The following RCCD1 variants were observed in gnomAD, a reference collection of about 807,000 sequenced individuals.
RCCD1 encodes the protein RCC1 domain containing 1.
RCCD1 carries 40 observed loss-of-function variants against 37.6 expected under a neutral mutation model. That is an observed-to-expected ratio of 1.06 (90% CI 0.83 to 1.39). The LOEUF is 1.39. Among genes scored for constraint, RCCD1 ranks in the 40% most tolerant of loss-of-function variants. RCCD1 has a pLI of 0.00. For synonymous variants in RCCD1, 263 were observed against 230.0 expected (o/e 1.14, Z -1.30); for missense variants, 577 against 517.3 (o/e 1.12, Z -1.12).
Position 90,954,939 on chromosome 15 carries a change from C to G in RCCD1, c.-133C>G, listed in dbSNP as rs754695300. 7.9e-5 allele frequency: 12 copies of G among 152,474 alleles called. No homozygotes were observed. Among genetic ancestry groups the G allele is most frequent in the Non-Finnish European group, 1.2e-4 (8 of 68,228 alleles). 9.4% of individuals were successfully genotyped at this position (152,474 alleles called of 1,614,324 possible). ...GTCGGGTTTTGAGCTGCCGCGGTCC[C>G]GGGACTGAGGTGGGTGGCGGGGTCC... On this transcript the variant is annotated 5_prime_UTR_variant, in exon 1 of 8. Coordinates refer to ENST00000394258, the MANE Select transcript of RCCD1 (RefSeq NM_001017919.2).
In RCCD1 at chr15:90,960,382, A is replaced by G; in HGVS notation, c.833A>G (p.Asp278Gly). Residue 278 changes from aspartate to glycine, a missense_variant, in exon 6 of 8, where the codon GAT becomes GGT. By Grantham distance (94) the Asp-to-Gly change is moderately conservative. Coordinates refer to ENST00000394258, the MANE Select transcript of RCCD1 (RefSeq NM_001017919.2). ...SQVKRTGGAEDGAPAPFIAVQ... is the reference protein window; with the variant it reads ...SQVKRTGGAEGGAPAPFIAVQ... ...GTGAAGAGAACGGGTGGGGCTGAGG[A>G]TGGAGCCCCTGCCCCCTTCATAGCT... The G allele has an allele frequency of 1.2e-6, 2 of 1,613,610 alleles. No homozygotes were observed. The highest frequency in any genetic ancestry group is 1.7e-6 in the Non-Finnish European group (2 of 1,179,768).
chr15:90,960,026 G>C (rs369168110), intron 5 of RCCD1, 28 bp downstream of exon 5: 2 of 1,543,112 alleles, frequency 1.3e-6, no homozygotes, highest in Non-Finnish European at 1.8e-6. Flanking sequence ...TCCCACAGCC[G>C]TCTCCCCAGG....
chr15:90,956,170 GCT>G (rs1262497442), intron 1 of RCCD1, among the ~76,000 whole-genome samples: 1 of 152,222 alleles, frequency 6.6e-6, no homozygotes, highest in African/African-American at 2.4e-5. Context: ...CCTCCCAAAC[GCT>G]CTTCTGCGTT....
At position 90,961,645 on chromosome 15, in the gene RCCD1, ACAC is replaced by A. The variant is rs756717559; in HGVS notation, c.1013_1015del (p.Thr338del). 1.7e-5 allele frequency: 28 copies of A among 1,613,992 alleles called. No individual in the cohort carries two copies. In the Admixed American group the frequency reaches 2.8e-4, roughly 16 times the overall value. The stretch of plus-strand genomic sequence containing the variant: ...AAATATGGACAGCTGGGCCACGAGG[ACAC>A]CACCAGCTTGGATCGGCCTCGCCGT... On this transcript the variant is annotated inframe_deletion, in exon 8 of 8. Coordinates refer to ENST00000394258, the MANE Select transcript of RCCD1 (RefSeq NM_001017919.2).
At position 90,961,898 on chromosome 15, in the gene RCCD1, C is replaced by G. The variant is rs1034832387; in HGVS notation, c.*129C>G. The G allele has an allele frequency of 1.2e-6, 1 of 851,948 alleles. No homozygotes were observed. Among genetic ancestry groups the G allele is most frequent in the South Asian group, 1.9e-5 (1 of 53,714 alleles). 52.8% of individuals were successfully genotyped at this position (851,948 alleles called of 1,614,324 possible). On this transcript the variant is annotated 3_prime_UTR_variant, in exon 8 of 8. Coordinates refer to ENST00000394258, the MANE Select transcript of RCCD1 (RefSeq NM_001017919.2). ...CAGTCCTGCCCTTCACCCTCAAGCA[C>G]GGTCCTAAACTTGTCTGCACTTTAG...
chr15:90,961,935 G>C lies in RCCD1; in HGVS notation c.*166G>C, dbSNP rs74039174. 0.011 allele frequency: 5,769 copies of C among 537,798 alleles called. 280 individuals are homozygous for C. Among genetic ancestry groups the C allele is most frequent in the African/African-American group, 0.097 (5,078 of 52,550 alleles). 33.3% of individuals were successfully genotyped at this position (537,798 alleles called of 1,614,324 possible). A position where few individuals can be genotyped will look rare whatever the true frequency, so the allele number is the denominator to read the frequency against. Reference sequence around the variant, plus strand: ...TGTCTGCACTTTAGAAACACCTGGAGAGCATTGAAAACTCTGCTGCCTAAG... The same window carrying C: ...TGTCTGCACTTTAGAAACACCTGGACAGCATTGAAAACTCTGCTGCCTAAG... On this transcript the variant is annotated 3_prime_UTR_variant, in exon 8 of 8. Transcript: ENST00000394258.
intron 4 of RCCD1, among the ~76,000 whole-genome samples, chr15:90,959,451 T>G (rs965848076): frequency 5.3e-5 from 8 of 152,162 alleles, no homozygotes; most frequent in Non-Finnish European, 8.8e-5. Context: ...GCCCAGTGGT[T>G]GTTTTATTTA....
Position 90,956,872 on chromosome 15 carries a change from G to A in RCCD1, c.138G>A (p.Ala46=), listed in dbSNP as rs763704333. The A allele has an allele frequency of 3.7e-5, 48 of 1,289,864 alleles. No individual in the cohort carries two copies. The highest frequency in any genetic ancestry group is 4.7e-5 in the Non-Finnish European group (48 of 1,018,692). 79.9% of individuals were successfully genotyped at this position (1,289,864 alleles called of 1,614,324 possible). The change falls in exon 2 of 8, where the codon GCG becomes GCA. Residue 46 remains alanine (A), a synonymous_variant. Transcript: ENST00000394258. ...GCGTCGACATCTGCCGCGTGAGCGCGAGCTGGAGCTACACCGCTTTCGTGA... is the reference window on the plus strand; with the variant it reads ...GCGTCGACATCTGCCGCGTGAGCGCAAGCTGGAGCTACACCGCTTTCGTGA... The part of the protein sequence containing the change: ...RAGVDICRVS[A]SWSYTAFVTR...
Position 90,961,830 on chromosome 15 carries a change from A to G in RCCD1, c.*61A>G, listed in dbSNP as rs2037322088. The G allele has an allele frequency of 6.5e-7, 1 of 1,537,832 alleles. No homozygotes were observed. Among genetic ancestry groups the G allele is most frequent in the African/African-American group, 1.4e-5 (1 of 72,820 alleles). ...ACCCCCATTCAGGTCAAGGAAAACC[A>G]TTGCCTGCACCCCAAGGGCCCCATA... is the stretch of plus-strand genomic sequence containing the variant. On this transcript the variant is annotated 3_prime_UTR_variant, in exon 8 of 8. Coordinates refer to ENST00000394258, the MANE Select transcript of RCCD1 (RefSeq NM_001017919.2).
chr15:90,956,827 C>A lies in RCCD1; in HGVS notation c.93C>A (p.Ser31Arg), dbSNP rs758991986. 16 of 1,303,484 alleles carry A rather than the reference C, an allele frequency of 1.2e-5. No individual in the cohort carries two copies. The highest frequency in any genetic ancestry group is 1.5e-5 in the Non-Finnish European group (15 of 1,026,316). The allele number at this position is 1,303,484 out of a possible 1,614,324, so 80.7% of individuals were successfully genotyped here. Residue 31 changes from serine to arginine, a missense_variant, in exon 2 of 8, where the codon AGC (serine) becomes AGA (arginine). Coordinates refer to ENST00000394258, the MANE Select transcript of RCCD1 (RefSeq NM_001017919.2). ...LGSGRGRQVH[S>R]PSPLRAGVDI... ...CCGGACGCGGGCGCCAGGTGCACAG[C>A]CCCAGTCCGCTGCGGGCGGGCGTCG...
In RCCD1 at chr15:90,959,961, G is replaced by T; in HGVS notation, c.741G>T (p.Arg247Ser). Residue 247 changes from arginine (R) to serine (S), a missense_variant, in exon 5 of 8, where the codon AGG (arginine) becomes AGT (serine). Transcript: ENST00000394258. Reference protein sequence around the residue: ...NESGQLALPTRNLAEDGETVA... With the variant: ...NESGQLALPTSNLAEDGETVA... Reference sequence around the variant, plus strand: ...CAGGGCAGCTGGCCCTGCCCACCAGGAACCTGGCAGAGGATGGAGAGACTG... The same window carrying T: ...CAGGGCAGCTGGCCCTGCCCACCAGTAACCTGGCAGAGGATGGAGAGACTG... 1 of 1,613,712 alleles carries T rather than the reference G, an allele frequency of 6.2e-7. No homozygotes were observed. The highest frequency in any genetic ancestry group is 1.3e-5 in the African/African-American group (1 of 75,038).
chr15:90,956,171 C>T (rs185791534), intron 1 of RCCD1, among the ~76,000 whole-genome samples: 2 of 152,330 alleles, frequency 1.3e-5, no homozygotes, highest in South Asian at 2.1e-4. Context: ...CTCCCAAACG[C>T]TCTTCTGCGT....
chr15:90,960,620 A>T (rs1420687501), intron 6 of RCCD1, 122 bp downstream of exon 6: 13 of 900,132 alleles, frequency 1.4e-5, no homozygotes, highest in Non-Finnish European at 2.0e-5. Flanking sequence ...TACCTTGCTC[A>T]GTGGATAAGC....
At position 90,961,509 on chromosome 15, in the gene RCCD1, A is replaced by T; in HGVS notation, c.980-109A>T. The T allele has an allele frequency of 2.4e-6, 3 of 1,263,162 alleles. No individual in the cohort carries two copies. The South Asian group carries it at 4.5e-5, about 19-fold the overall frequency. 78.2% of individuals were successfully genotyped at this position (1,263,162 alleles called of 1,614,324 possible). A position where few individuals can be genotyped will look rare whatever the true frequency, so the allele number is the denominator to read the frequency against. On this transcript the variant is annotated intron_variant, in intron 7 of 7. Coordinates refer to ENST00000394258, the MANE Select transcript of RCCD1 (RefSeq NM_001017919.2). ...TCTGGGTCTCTTGGATTCACAGAGC[A>T]GTGGGGCATAATCCCAGCACTTCAT...
At chr15:90,955,721 C>T (rs1213003547) in intron 1 of RCCD1, 1 of 148,720 alleles carries the variant, frequency 6.7e-6, no homozygotes, top group Non-Finnish European at 1.5e-5. Flanking sequence ...AAAAAACAAA[C>T]CCGCTCCAGC....
At position 90,960,822 on chromosome 15, in the gene RCCD1, C is replaced by G. The variant is rs905693388; in HGVS notation, c.950-203C>G. On this transcript the variant is annotated intron_variant, in intron 6 of 7. Coordinates refer to ENST00000394258, the MANE Select transcript of RCCD1 (RefSeq NM_001017919.2). ...CTGCGGCGCTCGGTAGCATGGCACA[C>G]AGGAAGATCCGCCACTTTTTCCCTC... 3 of 671,544 alleles carry G rather than the reference C, an allele frequency of 4.5e-6. No individual in the cohort carries two copies. The East Asian group carries it at 8.1e-5, about 18-fold the overall frequency. 41.6% of individuals were successfully genotyped at this position (671,544 alleles called of 1,614,324 possible). A position where few individuals can be genotyped will look rare whatever the true frequency, so the allele number is the denominator to read the frequency against.
intron 7 of RCCD1, 40 bp from the exon 8 acceptor site, chr15:90,961,578 C>T: frequency 6.3e-7 from 1 of 1,591,114 alleles, no homozygotes; most frequent in Non-Finnish European, 8.6e-7. Flanking sequence ...AGCAGCAAGA[C>T]CCAGTGGAGA....
chr15:90,962,793 T>A lies in RCCD1; in HGVS notation c.*1024T>A, dbSNP rs2037340537. On this transcript the variant is annotated 3_prime_UTR_variant, in exon 8 of 8. Transcript: ENST00000394258. ...TTTCCTTAGTGATTTTTCTTTTGGA[T>A]ATTTCAGATACAAGTCTTTTGAGAG... The A allele has an allele frequency of 6.6e-6, 1 of 152,250 alleles. No homozygotes were observed. Among genetic ancestry groups the A allele is most frequent in the Admixed American group, 6.5e-5 (1 of 15,282 alleles). The allele number at this position is 152,250 out of a possible 1,614,324, so 9.4% of individuals were successfully genotyped here.
chr15:90,957,850 GT>G, intron 4 of RCCD1, 125 bp downstream of exon 4: 1 of 1,278,464 alleles, frequency 7.8e-7, no homozygotes, highest in Non-Finnish European at 1.1e-6. Flanking sequence ...CGCCCAGTCA[GT>G]TATGACTCCT....
Sources: allele counts gnomAD v4.1 joint callset (sites outside exome capture counted in the v4.1 genomes callset), GRCh38; gene constraint gnomAD v4.1.1; transcripts MANE v1.5; gene names NCBI Gene and HGNC (gene_info 2026-07-23, HGNC 2026-07-21).